LETM2: variants seen among roughly 807,000 people sequenced by gnomAD.
LETM2 encodes the protein LETM1 domain-containing protein LETM2, mitochondrial.
LETM2 carries 58 observed loss-of-function variants against 59.6 expected under a neutral mutation model. The observed-to-expected ratio is 0.97, with a 90% confidence interval of 0.79 to 1.21. The LOEUF is 1.21. Among genes scored for constraint, LETM2 ranks in the 50% most tolerant of loss-of-function variants. LETM2 has a pLI of 0.00. For synonymous variants in LETM2, 199 were observed against 214.1 expected (o/e 0.93, Z 0.62); for missense variants, 572 against 575.7 (o/e 0.99, Z 0.07).
In LETM2 at chr8:38,402,589, G is replaced by A. The variant is rs1586017323; in HGVS notation, c.1049G>A (p.Arg350Gln). 1.2e-6 allele frequency: 2 copies of A among 1,614,038 alleles called. No individual in the cohort carries two copies. The highest frequency in any genetic ancestry group is 8.5e-7 in the Non-Finnish European group (1 of 1,179,894). ...VSELQAACRARGMRSLGLTEE... is the reference protein window; with the variant it reads ...VSELQAACRAQGMRSLGLTEE... ...GAACTACAGGCTGCCTGTAGGGCCCGAGGGATGAGATCACTGGGTCTCACG... is the reference window on the plus strand; with the variant it reads ...GAACTACAGGCTGCCTGTAGGGCCCAAGGGATGAGATCACTGGGTCTCACG... Residue 350 changes from arginine (R) to glutamine (Q), a missense_variant, in exon 7 of 11, where the codon CGA (arginine) becomes CAA (glutamine). By Grantham distance (43) the Arg-to-Gln change is conservative. Transcript: ENST00000379957.
At chr8:38,390,834 C>T (rs1812184420) in intron 2 of LETM2, among the ~76,000 whole-genome samples, 2 of 150,708 alleles carry the variant, frequency 1.3e-5, no homozygotes, top group Admixed American at 6.6e-5. Context: ...AGGTGCACTC[C>T]ACCACGCCCA....
intron 10 of LETM2, chr8:38,407,993 T>C (rs1813868192): frequency 6.0e-6 from 3 of 502,826 alleles, no homozygotes; most frequent in Non-Finnish European, 1.1e-5. Context: ...ACAGAGAATC[T>C]ATGAAGACAC....
rs111422600 is a variant in LETM2 at position 38,389,691 on chromosome 8, C to T, written c.47+1661C>T. Among the ~76,000 whole-genome samples the T allele has an allele frequency of 6.0e-3, 913 of 152,086 alleles. 8 individuals carry two copies. The highest frequency in any genetic ancestry group is 0.02 in the African/African-American group (820 of 41,496). ...TGGAAGCCTAGACAGGAAGATAGCT[C>T]GAGCCCAGGAGTTCAAGAACAGCCT... On this transcript the variant is annotated intron_variant, in intron 2 of 10. Transcript: ENST00000379957.
upstream of LETM2, chr8:38,383,147 G>A (rs879711411): frequency 8.5e-5 from 13 of 152,246 alleles, no homozygotes; most frequent in Non-Finnish European, 1.3e-4. Flanking sequence ...TTCGCATCGA[G>A]GGACGTGAGG....
chr8:38,394,528 A>G (rs1256189117), intron 4 of LETM2: 2 of 228,342 alleles, frequency 8.8e-6, no homozygotes, highest in Non-Finnish European at 1.7e-5. Flanking sequence ...GTATCATACA[A>G]AATAGTTTCA....
At chr8:38,404,135 C>T (rs905804110) in intron 7 of LETM2, among the ~76,000 whole-genome samples, 1 of 152,194 alleles carries the variant, frequency 6.6e-6, no homozygotes, top group Non-Finnish European at 1.5e-5. Flanking sequence ...CTTTGATCCA[C>T]AGTTGGGTTG....
chr8:38,401,572 A>ATC (rs1813231821), intron 6 of LETM2: 2 of 161,518 alleles, frequency 1.2e-5, no homozygotes, highest in Non-Finnish European at 2.7e-5. Context: ...ATTTCTTGAG[A>ATC]AGGCCATCAT....
At chr8:38,404,607 G>C in intron 8 of LETM2, 101 bp downstream of exon 8, 2 of 769,914 alleles carry the variant, frequency 2.6e-6, no homozygotes, top group Non-Finnish European at 4.4e-6. Flanking sequence ...ATTTCTTTTG[G>C]CCTTTTAGAA....
chr8:38,399,949 AAGAGAGAGAGAGAGAG>A (rs3138841), intron 4 of LETM2, among the ~76,000 whole-genome samples: 1 of 147,984 alleles, frequency 6.8e-6, no homozygotes, highest in Admixed American at 6.8e-5. Context: ...TGATCTCAAA[AAGAGAGAGAGAGAGAG>A]AGAGAGAGAG....
chr8:38,397,732 T>C (rs1331080235), intron 4 of LETM2, among the ~76,000 whole-genome samples: 1 of 152,062 alleles, frequency 6.6e-6, no homozygotes, highest in African/African-American at 2.4e-5. Flanking sequence ...TTTGGAGGAA[T>C]AATTTTGCTG....
intron 1 of LETM2, among the ~76,000 whole-genome samples, chr8:38,387,512 TC>T (rs911351496): frequency 3.9e-5 from 6 of 152,164 alleles, no homozygotes; most frequent in African/African-American, 1.4e-4. Context: ...AGTGGGTACG[TC>T]CAATATTCAG....
At chr8:38,401,507 A>G in intron 6 of LETM2, 1 of 178,452 alleles carries the variant, frequency 5.6e-6, no homozygotes, top group Non-Finnish European at 1.2e-5. Flanking sequence ...AACAACCATT[A>G]CCATGACAAC....
intron 8 of LETM2, among the ~76,000 whole-genome samples, chr8:38,404,995 A>G (rs1813602460): frequency 6.6e-6 from 1 of 151,918 alleles, no homozygotes; most frequent in Non-Finnish European, 1.5e-5. Flanking sequence ...AAAACAGAAA[A>G]CTGAAGCCAC....
At chr8:38,396,170 T>TA (rs1812666386) in intron 4 of LETM2, among the ~76,000 whole-genome samples, 2 of 149,192 alleles carry the variant, frequency 1.3e-5, no homozygotes. Context: ...ATTTATTTAT[T>TA]TTTTTTTTTT....
At chr8:38,394,009 C>A in intron 3 of LETM2, 89 bp from the exon 4 acceptor site, 1 of 1,092,618 alleles carries the variant, frequency 9.2e-7, no homozygotes. Context: ...GAAAATGAAA[C>A]AAGACAGGGT....
chr8:38,407,635 ACTT>A (rs998521706), intron 10 of LETM2, among the ~76,000 whole-genome samples, 172 bp downstream of exon 10: 11 of 149,004 alleles, frequency 7.4e-5, no homozygotes, highest in African/African-American at 2.2e-4. Context: ...CACGTTTTTT[ACTT>A]CAACTATCCA....
At chr8:38,396,164 A>ATTTTTTTT (rs200309382) in intron 4 of LETM2, among the ~76,000 whole-genome samples, 1 of 149,520 alleles carries the variant, frequency 6.7e-6, no homozygotes, top group Non-Finnish European at 1.5e-5. Flanking sequence ...TTTTTTATTT[A>ATTTTTTTT]TTTATTTTTT....
At chr8:38,401,119 G>C in intron 6 of LETM2, 66 bp downstream of exon 6, 1 of 1,285,594 alleles carries the variant, frequency 7.8e-7, no homozygotes, top group Non-Finnish European at 1.1e-6. Flanking sequence ...GGTGCCTGTG[G>C]GATGAAGTGT....
At chr8:38,400,087 G>C (rs1040959545) in intron 4 of LETM2, among the ~76,000 whole-genome samples, 185 bp from the exon 5 acceptor site, 1 of 152,160 alleles carries the variant, frequency 6.6e-6, no homozygotes, top group Non-Finnish European at 1.5e-5. Context: ...AAGGAGACAA[G>C]TTCCAAATAG....
Sources: gnomAD v4.1 joint callset for allele counts (sites outside exome capture counted in the v4.1 genomes callset) on GRCh38, gnomAD v4.1.1 for gene constraint, MANE v1.5 for transcripts, NCBI Gene and HGNC (gene_info 2026-07-23, HGNC 2026-07-21) for gene names.